Variants in JPH1 observed in about 807,000 individuals in gnomAD.
The protein encoded by JPH1 is junctophilin-1.
JPH1 carries 12 observed loss-of-function variants against 53.6 expected under a neutral mutation model. The ratio of observed to expected loss-of-function variants is 0.22; its 90% CI spans 0.14 to 0.36. The LOEUF is 0.36. Ranked by LOEUF, JPH1 falls within the 10% of genes least tolerant of loss-of-function variation. JPH1 has a pLI of 1.00. For missense variants in JPH1, 808 were observed against 905.5 expected, an observed-to-expected ratio of 0.89 and a Z score of 1.38; for synonymous variants, 375 against 363.8, an observed-to-expected ratio of 1.03 and a Z score of -0.35.
intron 4 of JPH1, among the ~76,000 whole-genome samples, chr8:74,238,680 C>T (rs978302535): frequency 3.9e-5 from 6 of 152,188 alleles, no homozygotes; most frequent in African/African-American, 1.2e-4. Flanking sequence ...TGTTTTGAGA[C>T]AGGCTCTTGC....
intron 4 of JPH1, among the ~76,000 whole-genome samples, chr8:74,238,496 C>T (rs1278382619): frequency 6.6e-6 from 1 of 152,316 alleles, no homozygotes; most frequent in Admixed American, 6.5e-5. Flanking sequence ...TGTTTAACTG[C>T]TATTTTCCCC....
intron 2 of JPH1, among the ~76,000 whole-genome samples, chr8:74,287,476 G>T (rs985771544): frequency 6.6e-6 from 1 of 151,812 alleles, no homozygotes; most frequent in African/African-American, 2.4e-5. Context: ...TAATGTTAAG[G>T]AAAAAAGGTT....
At chr8:74,276,956 C>T (rs953758272) in intron 2 of JPH1, among the ~76,000 whole-genome samples, 2 of 152,230 alleles carry the variant, frequency 1.3e-5, no homozygotes, top group African/African-American at 2.4e-5. Context: ...AGAGTATAAT[C>T]GACCATACCA....
At chr8:74,302,901 T>C (rs2131448567) in intron 2 of JPH1, among the ~76,000 whole-genome samples, 1 of 152,130 alleles carries the variant, frequency 6.6e-6, no homozygotes, top group South Asian at 2.1e-4. Context: ...CAAATGATGT[T>C]TCTTTAGCAT....
At chr8:74,311,575 GGTTA>G (rs945953026) in intron 2 of JPH1, among the ~76,000 whole-genome samples, 2 of 151,844 alleles carry the variant, frequency 1.3e-5, no homozygotes, top group Non-Finnish European at 2.9e-5. Context: ...ACAATGTGCA[GGTTA>G]GTTACATACA....
At chr8:74,302,841 C>T (rs1289518099) in intron 2 of JPH1, among the ~76,000 whole-genome samples, 1 of 151,994 alleles carries the variant, frequency 6.6e-6, no homozygotes, top group African/African-American at 2.4e-5. Flanking sequence ...TCTGTATTCC[C>T]AGGGCCTAGT....
chr8:74,312,253 CT>C (rs111390089), intron 2 of JPH1, among the ~76,000 whole-genome samples: 1 of 151,960 alleles, frequency 6.6e-6, no homozygotes. Context: ...TTAACAAATT[CT>C]TTTTTTGTTT....
chr8:74,291,164 C>CA (rs1193369042), intron 2 of JPH1, among the ~76,000 whole-genome samples: 46 of 151,778 alleles, frequency 3.0e-4, no homozygotes, highest in Non-Finnish European at 4.6e-4. Flanking sequence ...TTCTGCACAG[C>CA]AAAAGAAACT....
intron 2 of JPH1, among the ~76,000 whole-genome samples, chr8:74,290,922 A>G (rs1009944066): frequency 3.3e-5 from 5 of 152,378 alleles, no homozygotes; most frequent in Non-Finnish European, 7.3e-5. Context: ...AAAACTGGCT[A>G]GGCATATGCA....
At chr8:74,293,322 C>A (rs1334928862) in intron 2 of JPH1, among the ~76,000 whole-genome samples, 1 of 152,132 alleles carries the variant, frequency 6.6e-6, no homozygotes, top group African/African-American at 2.4e-5. Flanking sequence ...TGATGTGACC[C>A]CATAAGAGTA....
At chr8:74,259,647 G>C (rs1022397701) in intron 2 of JPH1, 144 bp from the exon 3 acceptor site, 13 of 579,866 alleles carry the variant, frequency 2.2e-5, no homozygotes, top group Non-Finnish European at 3.6e-5. Flanking sequence ...GAGTCCTATT[G>C]CCGTGAAATT....
intron 2 of JPH1, among the ~76,000 whole-genome samples, chr8:74,289,233 C>T (rs578088966): frequency 2.6e-5 from 4 of 152,188 alleles, no homozygotes; most frequent in Admixed American, 6.5e-5. Flanking sequence ...CATTTCTTTA[C>T]GTGATTAATA....
intron 1 of JPH1, among the ~76,000 whole-genome samples, chr8:74,316,519 G>A (rs1485169720): frequency 6.6e-6 from 1 of 152,188 alleles, no homozygotes; most frequent in Non-Finnish European, 1.5e-5. Context: ...GGTGTTTGAT[G>A]ACTATGTTGA....
intron 2 of JPH1, among the ~76,000 whole-genome samples, chr8:74,299,146 T>C (rs1289443882): frequency 6.6e-6 from 1 of 151,446 alleles, no homozygotes; most frequent in African/African-American, 2.4e-5. Context: ...AAATCTTCCC[T>C]TAGCTTCCCT....
At chr8:74,269,010 A>T (rs1235259327) in intron 2 of JPH1, among the ~76,000 whole-genome samples, 1 of 152,104 alleles carries the variant, frequency 6.6e-6, no homozygotes, top group Admixed American at 6.5e-5. Flanking sequence ...TTCACTCCTT[A>T]AAAGTGACAT....
chr8:74,250,909 G>A (rs960132991), intron 3 of JPH1, among the ~76,000 whole-genome samples: 3 of 152,160 alleles, frequency 2.0e-5, no homozygotes, highest in African/African-American at 7.2e-5. Context: ...TAGGTCAGGG[G>A]ACTCATGCTG....
intron 4 of JPH1, among the ~76,000 whole-genome samples, chr8:74,243,052 G>A (rs554826498): frequency 6.6e-6 from 1 of 152,266 alleles, no homozygotes; most frequent in African/African-American, 2.4e-5. Context: ...GTCAACTAAA[G>A]CCCACAAATG....
chr8:74,288,399 G>A (rs1316428559), intron 2 of JPH1, among the ~76,000 whole-genome samples: 2 of 152,188 alleles, frequency 1.3e-5, no homozygotes. Flanking sequence ...CATCAGCAAG[G>A]AGTAAGCTCT....
At chr8:74,276,208 G>A (rs1024468323) in intron 2 of JPH1, among the ~76,000 whole-genome samples, 11 of 152,140 alleles carry the variant, frequency 7.2e-5, no homozygotes, top group African/African-American at 2.7e-4. Flanking sequence ...TGGAAAAAAG[G>A]GGCACAGGTC....
Sources: gnomAD v4.1 joint callset for allele counts (sites outside exome capture counted in the v4.1 genomes callset) on GRCh38, gnomAD v4.1.1 for gene constraint, MANE v1.5 for transcripts, NCBI Gene and HGNC (gene_info 2026-07-23, HGNC 2026-07-21) for gene names.